Variants in DLG2 observed in about 807,000 individuals in gnomAD.
The protein encoded by DLG2 is disks large homolog 2.
Under a neutral mutation model 132.5 loss-of-function variants are expected in DLG2, and 45 were observed. The ratio of observed to expected loss-of-function variants is 0.34; its 90% CI spans 0.27 to 0.44. The LOEUF (loss-of-function observed/expected upper bound fraction) is 0.44. DLG2 is among the 20% of genes least tolerant of loss of function. The pLI is 1.00. For synonymous variants in DLG2, 424 were observed against 419.6 expected, an observed-to-expected ratio of 1.01 and a Z score of -0.13; for missense variants, 1,045 against 1,196.9, an observed-to-expected ratio of 0.87 and a Z score of 1.87.
At chr11:84,246,143 C>G (rs1213958071) in intron 8 of DLG2, among the ~76,000 whole-genome samples, 1 of 152,222 alleles carries the variant, frequency 6.6e-6, no homozygotes, top group Non-Finnish European at 1.5e-5. Flanking sequence ...CCCACTTATT[C>G]GTGGTTTCAC....
At chr11:84,441,531 T>A (rs772306185) in intron 7 of DLG2, among the ~76,000 whole-genome samples, 25 of 152,204 alleles carry the variant, frequency 1.6e-4, no homozygotes, top group Admixed American at 4.6e-4. Flanking sequence ...ATCTTGATAT[T>A]AGTTACTTCT....
At chr11:84,929,275 A>G (rs1470762479) in intron 6 of DLG2, among the ~76,000 whole-genome samples, 1 of 151,624 alleles carries the variant, frequency 6.6e-6, no homozygotes, top group African/African-American at 2.4e-5. Flanking sequence ...GTGCCTATAC[A>G]GTGGTTGATT....
chr11:85,458,048 T>C (rs1328122860), intron 3 of DLG2, among the ~76,000 whole-genome samples: 1 of 152,244 alleles, frequency 6.6e-6, no homozygotes, highest in Non-Finnish European at 1.5e-5. Flanking sequence ...GCTTGCTTTC[T>C]CTCCATCTCT....
intron 18 of DLG2, among the ~76,000 whole-genome samples, chr11:83,704,874 C>A (rs998855366): frequency 6.6e-6 from 1 of 151,946 alleles, no homozygotes; most frequent in Non-Finnish European, 1.5e-5. Flanking sequence ...CTGAGTATAA[C>A]CTTAAAGTCA....
At position 84,243,612 on chromosome 11, in the gene DLG2, G is replaced by A. The variant is rs559290010; in HGVS notation, c.573+7626C>T. On this transcript the variant is annotated intron_variant, in intron 8 of 27. Transcript: ENST00000376104. ...ATTTTAAAACATAGTTTCTGATTTA[G>A]TAGGTCTTTGGTGGAACTTTAGATT... 5.3e-5 allele frequency among the ~76,000 whole-genome samples: 8 copies of A among 152,268 alleles called. No homozygotes were observed. The South Asian group carries it at 1.2e-3, about 24-fold the overall frequency.
At chr11:85,474,580 G>A (rs977730870) in intron 3 of DLG2, among the ~76,000 whole-genome samples, 1 of 151,812 alleles carries the variant, frequency 6.6e-6, no homozygotes, top group Non-Finnish European at 1.5e-5. Flanking sequence ...GAAAAAGACT[G>A]TACTCTTTTG....
intron 6 of DLG2, among the ~76,000 whole-genome samples, chr11:85,036,221 G>A (rs1261322807): frequency 3.3e-5 from 5 of 152,076 alleles, no homozygotes; most frequent in Non-Finnish European, 7.4e-5. Context: ...CTTATGAGAG[G>A]CTTTTGATTG....
At chr11:85,143,426 C>T (rs2076629078) in intron 5 of DLG2, among the ~76,000 whole-genome samples, 1 of 151,536 alleles carries the variant, frequency 6.6e-6, no homozygotes, top group African/African-American at 2.4e-5. Context: ...GCGGTGTCTT[C>T]TCTCTTTTGT....
intron 3 of DLG2, among the ~76,000 whole-genome samples, chr11:85,497,518 A>G (rs902040493): frequency 6.6e-6 from 1 of 152,214 alleles, no homozygotes. Context: ...GATATTATCC[A>G]GGAGAACTTC....
At chr11:83,780,119 C>A (rs1018820012) in intron 18 of DLG2, among the ~76,000 whole-genome samples, 2 of 152,172 alleles carry the variant, frequency 1.3e-5, no homozygotes, top group Non-Finnish European at 2.9e-5. Flanking sequence ...CACAGCTGCT[C>A]ATTCATATGC....
chr11:84,555,301 C>T (rs552892972), intron 6 of DLG2, among the ~76,000 whole-genome samples: 5 of 152,028 alleles, frequency 3.3e-5, no homozygotes, highest in Admixed American at 3.3e-4. Context: ...GGGTATATAT[C>T]CCAAAGAATT....
At chr11:83,538,673 G>A in intron 20 of DLG2, among the ~76,000 whole-genome samples, 1 of 151,946 alleles carries the variant, frequency 6.6e-6, no homozygotes, top group Non-Finnish European at 1.5e-5. Context: ...TGATGTATTT[G>A]AAAGCACCTG....
intron 4 of DLG2, among the ~76,000 whole-genome samples, chr11:85,232,644 A>G (rs1228586186): frequency 6.6e-6 from 1 of 151,928 alleles, no homozygotes; most frequent in Admixed American, 6.6e-5. Context: ...TCACAGTAGC[A>G]ATTTACTTTT....
chr11:85,390,151 G>T (rs1017117326), intron 3 of DLG2, among the ~76,000 whole-genome samples: 2 of 152,032 alleles, frequency 1.3e-5, no homozygotes, highest in South Asian at 2.1e-4. Flanking sequence ...AAGGTAAAGG[G>T]ATGGAAAAAG....
chr11:84,115,352 C>T lies in DLG2; in HGVS notation c.625-16305G>A, dbSNP rs997819256. 2.7e-4 allele frequency among the ~76,000 whole-genome samples: 41 copies of T among 152,324 alleles called. 1 individual carries two copies. The highest frequency in any genetic ancestry group is 2.5e-3 in the Admixed American group (38 of 15,296). ...GAAGCAAGTGAGTTCAATGTTCCAT[C>T]ACAGGTATATGTTGGGAGACGGGAG... On this transcript the variant is annotated intron_variant, in intron 9 of 27. Transcript: ENST00000376104.
chr11:85,317,744 C>T (rs1412990132), intron 3 of DLG2, among the ~76,000 whole-genome samples: 1 of 151,806 alleles, frequency 6.6e-6, no homozygotes, highest in Non-Finnish European at 1.5e-5. Context: ...GCAAGATACA[C>T]TGGGGCCTAT....
chr11:85,562,096 G>A (rs1264634421), intron 3 of DLG2, among the ~76,000 whole-genome samples: 1 of 151,604 alleles, frequency 6.6e-6, no homozygotes, highest in Non-Finnish European at 1.5e-5. Context: ...CTTGAAAAAG[G>A]AACTGTACCA....
intron 8 of DLG2, among the ~76,000 whole-genome samples, chr11:84,243,027 A>C (rs1478846050): frequency 8.6e-4 from 101 of 117,892 alleles, no homozygotes; most frequent in Non-Finnish European, 1.1e-3. Context: ...CTATATATAT[A>C]TATATATATA....
At chr11:84,339,156 C>T (rs768009439) in intron 7 of DLG2, among the ~76,000 whole-genome samples, 11 of 152,122 alleles carry the variant, frequency 7.2e-5, no homozygotes, top group African/African-American at 2.4e-4. Context: ...ATTTCCCTAG[C>T]CTTCTCTTTG....
Sources: allele counts gnomAD v4.1 joint callset (sites outside exome capture counted in the v4.1 genomes callset), GRCh38; gene constraint gnomAD v4.1.1; transcripts MANE v1.5; gene names NCBI Gene and HGNC (gene_info 2026-07-23, HGNC 2026-07-21).